The following ZNF451 variants were observed in gnomAD, a reference collection of about 807,000 sequenced individuals.
ZNF451 encodes zinc finger protein 451, also known as E3 SUMO-protein ligase ZNF451.
Under a neutral mutation model 107.1 loss-of-function variants are expected in ZNF451, and 80 were observed. The observed-to-expected ratio is 0.75, with a 90% CI of 0.62 to 0.90. The LOEUF (loss-of-function observed/expected upper bound fraction) is 0.90, where lower values mean the gene tolerates loss of function less well. Ranked by LOEUF, ZNF451 falls within the 40% of genes least tolerant of loss-of-function variation. The pLI is 0.00. For missense variants in ZNF451, 1,107 were observed against 1,236.2 expected, an observed-to-expected ratio of 0.90 and a Z score of 1.57; for synonymous variants, 362 against 406.5, an observed-to-expected ratio of 0.89 and a Z score of 1.32.
intron 3 of ZNF451, chr6:57,100,977 A>C: frequency 1.9e-6 from 3 of 1,551,098 alleles, no homozygotes; most frequent in Non-Finnish European, 2.6e-6. Flanking sequence ...ATCTCCAGAC[A>C]CAAGTAGCTG....
At chr6:57,161,046 A>G (rs767542920) in intron 13 of ZNF451, 38 bp from the exon 14 acceptor site, 3 of 1,345,464 alleles carry the variant, frequency 2.2e-6, no homozygotes, top group African/African-American at 1.5e-5. Flanking sequence ...ACATAAATTT[A>G]TGGCACAATA....
At chr6:57,155,417 C>T (rs1386339190) in intron 13 of ZNF451, among the ~76,000 whole-genome samples, 8 of 152,096 alleles carry the variant, frequency 5.3e-5, no homozygotes, top group African/African-American at 1.4e-4. Context: ...ACCCAGGAGG[C>T]GGAGGTTGCA....
intron 3 of ZNF451, among the ~76,000 whole-genome samples, chr6:57,123,502 A>G (rs2127958710): frequency 6.6e-6 from 1 of 152,126 alleles, no homozygotes; most frequent in Non-Finnish European, 1.5e-5. Flanking sequence ...AACACTGGGG[A>G]CTCCAAAAGG....
intron 3 of ZNF451, among the ~76,000 whole-genome samples, chr6:57,124,277 A>G (rs557963205): frequency 2.0e-5 from 3 of 152,246 alleles, no homozygotes; most frequent in African/African-American, 7.2e-5. Flanking sequence ...GGGCCCCTCT[A>G]TGGCTGGCTC....
Position 57,105,264 on chromosome 6 carries a change from T to C in ZNF451, c.186+6123T>C, listed in dbSNP as rs189061839. 6.1e-5 allele frequency: 60 copies of C among 985,258 alleles called. 1 individual carries two copies. In the African/African-American group the frequency reaches 1.0e-3, roughly 17 times the overall value. The allele number at this position is 985,258 out of a possible 1,614,324, so 61.0% of individuals were successfully genotyped here. On this transcript the variant is annotated intron_variant, in intron 3 of 14. Transcript: ENST00000370706. ...ATCTGGTATTCTCAAAAAGGATGTATCTAATGATCTTGATTCTTCAAAATG... is the reference window on the plus strand; with the variant it reads ...ATCTGGTATTCTCAAAAAGGATGTACCTAATGATCTTGATTCTTCAAAATG...
At chr6:57,118,775 G>A (rs547293326) in intron 3 of ZNF451, among the ~76,000 whole-genome samples, 1 of 152,256 alleles carries the variant, frequency 6.6e-6, no homozygotes, top group South Asian at 2.1e-4. Flanking sequence ...AAGCTACTAC[G>A]CTCGACCACT....
chr6:57,134,468 A>G (rs1212491561), intron 6 of ZNF451, among the ~76,000 whole-genome samples: 1 of 152,252 alleles, frequency 6.6e-6, no homozygotes, highest in Non-Finnish European at 1.5e-5. Context: ...CGAGAAGTTT[A>G]CCAGTTTGGT....
intron 2 of ZNF451, among the ~76,000 whole-genome samples, chr6:57,092,527 A>T (rs1467407111): frequency 6.6e-6 from 1 of 152,164 alleles, no homozygotes; most frequent in African/African-American, 2.4e-5. Context: ...CCTATTAAAA[A>T]TTTTCCCTTT....
chr6:57,100,672 C>A (rs1829549892), intron 3 of ZNF451: 1 of 1,549,736 alleles, frequency 6.5e-7, no homozygotes, highest in African/African-American at 1.4e-5. Context: ...CTGCAATGTT[C>A]CTCTTCCCAT....
At chr6:57,095,973 A>G (rs1048835888) in intron 2 of ZNF451, among the ~76,000 whole-genome samples, 14 of 151,550 alleles carry the variant, frequency 9.2e-5, no homozygotes, top group African/African-American at 3.4e-4. Flanking sequence ...ACAGATGTAC[A>G]CCACCACGCC....
At chr6:57,157,529 TTTCTC>T (rs1273560787) in intron 13 of ZNF451, among the ~76,000 whole-genome samples, 3 of 152,182 alleles carry the variant, frequency 2.0e-5, no homozygotes, top group Admixed American at 6.5e-5. Flanking sequence ...TAAAAGTTCT[TTTCTC>T]TACTTGTAAG....
At chr6:57,138,731 ATATATATATATGTGTGTGTG>A (rs1831577045) in intron 7 of ZNF451, among the ~76,000 whole-genome samples, 2 of 113,274 alleles carry the variant, frequency 1.8e-5, no homozygotes, top group African/African-American at 6.7e-5. Context: ...ATATATATAT[ATATATATATATGTGTGTGTG>A]TGTGTGTGTG....
chr6:57,164,666 A>G (rs983515607), intron 14 of ZNF451, among the ~76,000 whole-genome samples: 6 of 152,222 alleles, frequency 3.9e-5, no homozygotes, highest in Non-Finnish European at 5.9e-5. Flanking sequence ...TTCATTTTAT[A>G]TGAAAACTGA....
rs906134859 is a variant in ZNF451, at chr6:57,160,053, G to A, written c.3071-1031G>A. Among the ~76,000 whole-genome samples the A allele has an allele frequency of 9.9e-5, 15 of 152,180 alleles. No homozygotes were observed. In the South Asian group the frequency reaches 3.1e-3, roughly 32 times the overall value. On this transcript the variant is annotated intron_variant, in intron 13 of 14. Coordinates refer to ENST00000370706, the MANE Select transcript of ZNF451 (RefSeq NM_001031623.3). ...TAAGCACAATATTAGGTCATTGATA[G>A]TACAATGTTTCAAATTTTTTAAAGG...
At chr6:57,162,469 T>C (rs1057144558) in intron 14 of ZNF451, among the ~76,000 whole-genome samples, 19 of 152,234 alleles carry the variant, frequency 1.2e-4, no homozygotes, top group Non-Finnish European at 2.2e-4. Flanking sequence ...CTATACCTAA[T>C]TGGAAGGAAG....
intron 7 of ZNF451, among the ~76,000 whole-genome samples, chr6:57,140,511 A>T (rs1287442041): frequency 2.0e-5 from 3 of 152,130 alleles, no homozygotes; most frequent in Non-Finnish European, 4.4e-5. Flanking sequence ...CCTTTTTGAA[A>T]ACCAGTCATA....
intron 13 of ZNF451, among the ~76,000 whole-genome samples, chr6:57,160,413 AAC>A (rs1341305808): frequency 6.6e-6 from 1 of 151,774 alleles, no homozygotes; most frequent in African/African-American, 2.4e-5. Context: ...AGCTCACTGC[AAC>A]CTCCACCTCC....
intron 3 of ZNF451, among the ~76,000 whole-genome samples, chr6:57,117,962 T>G (rs989459995): frequency 6.6e-6 from 1 of 152,200 alleles, no homozygotes; most frequent in Admixed American, 6.5e-5. Flanking sequence ...AATATTCACA[T>G]TGTTGTTGTG....
At chr6:57,100,748 C>T (rs1829553503) in intron 3 of ZNF451, 1 of 1,550,566 alleles carries the variant, frequency 6.4e-7, no homozygotes, top group Non-Finnish European at 8.7e-7. Context: ...TCTCAAACTT[C>T]CTCTGTTGAG....
Sources: gnomAD v4.1 joint callset for allele counts (sites outside exome capture counted in the v4.1 genomes callset) on GRCh38, gnomAD v4.1.1 for gene constraint, MANE v1.5 for transcripts, NCBI Gene and HGNC (gene_info 2026-07-23, HGNC 2026-07-21) for gene names.